FAM20B: variants seen among roughly 807,000 people sequenced by gnomAD.
The protein encoded by FAM20B is FAM20B glycosaminoglycan xylosylkinase.
A neutral mutation model predicts 43.8 loss-of-function variants in FAM20B; 23 were observed. The ratio of observed to expected loss-of-function variants is 0.53; its 90% CI spans 0.38 to 0.74. The LOEUF is 0.74. FAM20B is among the 30% of genes least tolerant of loss of function. The pLI is 0.00. For missense variants in FAM20B, 440 were observed against 510.5 expected (o/e 0.86, Z 1.33); for synonymous variants, 178 against 192.4 (o/e 0.93, Z 0.62).
At chr1:179,062,110 G>A (rs1371389074) in intron 4 of FAM20B, among the ~76,000 whole-genome samples, 2 of 151,996 alleles carry the variant, frequency 1.3e-5, no homozygotes, top group Middle Eastern at 6.8e-3. Flanking sequence ...AGGTTTCAGC[G>A]ATCCTCCTGC....
At chr1:179,036,325 A>G (rs1445444301) in intron 1 of FAM20B, among the ~76,000 whole-genome samples, 1 of 152,072 alleles carries the variant, frequency 6.6e-6, no homozygotes, top group African/African-American at 2.4e-5. Flanking sequence ...CCTTTTTTAT[A>G]TTTAACACTT....
At chr1:179,052,180 A>T (rs1651035619) in intron 3 of FAM20B, among the ~76,000 whole-genome samples, 1 of 152,226 alleles carries the variant, frequency 6.6e-6, no homozygotes, top group Admixed American at 6.5e-5. Flanking sequence ...ATATGTGTTT[A>T]TACAAATATT....
At chr1:179,039,524 T>A (rs1367162994) in intron 1 of FAM20B, among the ~76,000 whole-genome samples, 4 of 152,216 alleles carry the variant, frequency 2.6e-5, no homozygotes, top group Admixed American at 6.5e-5. Context: ...CATATTTTTT[T>A]CCCTTTACTT....
chr1:179,053,276 T>C (rs1053505613), intron 3 of FAM20B, among the ~76,000 whole-genome samples: 3 of 152,102 alleles, frequency 2.0e-5, no homozygotes, highest in Non-Finnish European at 4.4e-5. Flanking sequence ...CAATTTTCAA[T>C]GGGAAGAAAA....
At chr1:179,040,889 C>T (rs1291505743) in intron 1 of FAM20B, among the ~76,000 whole-genome samples, 2 of 151,622 alleles carry the variant, frequency 1.3e-5, no homozygotes, top group Non-Finnish European at 2.9e-5. Flanking sequence ...GCTCTCCTCA[C>T]TTCTCAGACG....
At chr1:179,066,480 G>A (rs1651694302) in intron 6 of FAM20B, among the ~76,000 whole-genome samples, 1 of 151,994 alleles carries the variant, frequency 6.6e-6, no homozygotes, top group Admixed American at 6.6e-5. Context: ...CAGGCTTAGG[G>A]GTCTTCAAGT....
chr1:179,074,465 A>G lies in FAM20B; in HGVS notation c.*2321A>G, dbSNP rs1652057803. 3 of 152,668 alleles carry G rather than the reference A, an allele frequency of 2.0e-5. No individual in the cohort carries two copies. The highest frequency in any genetic ancestry group is 6.5e-5 in the Admixed American group (1 of 15,298). The allele number at this position is 152,668 out of a possible 1,614,324, so 9.5% of individuals were successfully genotyped here. ...TATGGATTTGTGGTCTTTCAAATAC[A>G]TGACGCCTTTAGTATGCCACACTGA... On this transcript the variant is annotated 3_prime_UTR_variant, in exon 8 of 8. Transcript: ENST00000263733.
At chr1:179,034,013 A>G (rs979534735) in intron 1 of FAM20B, among the ~76,000 whole-genome samples, 8 of 152,138 alleles carry the variant, frequency 5.3e-5, no homozygotes, top group Non-Finnish European at 8.8e-5. Context: ...ATAATTATAT[A>G]GGTCATCTGG....
intron 3 of FAM20B, among the ~76,000 whole-genome samples, chr1:179,053,768 A>G (rs1357044604): frequency 6.6e-6 from 1 of 152,226 alleles, no homozygotes; most frequent in African/African-American, 2.4e-5. Context: ...ATAAAACTGC[A>G]TACAATATAA....
At chr1:179,037,346 CTTG>C (rs1209194396) in intron 1 of FAM20B, among the ~76,000 whole-genome samples, 1 of 99,254 alleles carries the variant, frequency 1.0e-5, no homozygotes, top group Admixed American at 9.1e-5. Flanking sequence ...AACATGAAAA[CTTG>C]TTTAGTCTCT....
At chr1:179,026,721 G>A (rs1280796702) in intron 1 of FAM20B, among the ~76,000 whole-genome samples, 1 of 152,240 alleles carries the variant, frequency 6.6e-6, no homozygotes, top group African/African-American at 2.4e-5. Flanking sequence ...GCCCTCAGTG[G>A]GCTGCGCTTG....
At chr1:179,067,313 A>T (rs1651731273) in intron 7 of FAM20B, among the ~76,000 whole-genome samples, 1 of 152,190 alleles carries the variant, frequency 6.6e-6, no homozygotes, top group African/African-American at 2.4e-5. Flanking sequence ...CATAAATAAT[A>T]ATTTATTTTG....
intron 6 of FAM20B, among the ~76,000 whole-genome samples, chr1:179,066,169 G>C (rs1158826837): frequency 2.6e-5 from 4 of 152,118 alleles, no homozygotes; most frequent in East Asian, 1.9e-4. Flanking sequence ...CCAGACTCTA[G>C]CTATTAAGGT....
intron 5 of FAM20B, 68 bp downstream of exon 5, chr1:179,064,166 A>G: frequency 1.4e-6 from 2 of 1,468,150 alleles, no homozygotes; most frequent in Non-Finnish European, 1.9e-6. Context: ...TCTGTAAAGG[A>G]GCCAGCAGTT....
intron 1 of FAM20B, among the ~76,000 whole-genome samples, chr1:179,036,538 A>G (rs1650236069): frequency 6.6e-6 from 1 of 152,184 alleles, no homozygotes; most frequent in African/African-American, 2.4e-5. Flanking sequence ...AATAGTTTGA[A>G]TATACCCAGT....
intron 2 of FAM20B, among the ~76,000 whole-genome samples, chr1:179,046,970 G>C (rs777585544): frequency 3.3e-5 from 5 of 152,160 alleles, no homozygotes; most frequent in Non-Finnish European, 7.4e-5. Flanking sequence ...ACTCCAGCCT[G>C]GGCAACAGGA....
At chr1:179,049,610 G>A (rs1650916283) in intron 2 of FAM20B, among the ~76,000 whole-genome samples, 1 of 152,088 alleles carries the variant, frequency 6.6e-6, no homozygotes, top group African/African-American at 2.4e-5. Flanking sequence ...GCACAGTCTC[G>A]GCTCACTGCA....
the FAM20B span, among the ~76,000 whole-genome samples, chr1:179,017,782 T>G: frequency 2.0e-5 from 3 of 152,178 alleles, no homozygotes; most frequent in African/African-American, 7.2e-5. Flanking sequence ...GCTACAAGAA[T>G]GATCACAGAA....
In FAM20B at chr1:179,044,170, T is replaced by C. The variant is rs1650665903; in HGVS notation, c.323T>C (p.Leu108Pro). ...KADVGYKGTQ[L>P]KALLILEGGQ... ...GATGTGGGTTATAAAGGGACACAGC[T>C]GAAAGCCTTACTGATACTTGAAGGA... is the stretch of plus-strand genomic sequence containing the variant. The change falls in exon 2 of 8, where the codon CTG becomes CCG. Residue 108 changes from leucine (L) to proline (P), a missense_variant. Leu to Pro is a moderately conservative substitution (Grantham distance 98, BLOSUM62 -3). Transcript: ENST00000263733. 13 of 1,613,896 alleles carry C rather than the reference T, an allele frequency of 8.1e-6. No individual in the cohort carries two copies. The highest frequency in any genetic ancestry group is 1.3e-5 in the African/African-American group (1 of 74,908).
Sources: allele counts gnomAD v4.1 joint callset (sites outside exome capture counted in the v4.1 genomes callset), GRCh38; gene constraint gnomAD v4.1.1; transcripts MANE v1.5; gene names NCBI Gene and HGNC (gene_info 2026-07-23, HGNC 2026-07-21).